The following MSRA variants were observed in gnomAD, a reference collection of about 807,000 sequenced individuals.
MSRA encodes the protein methionine sulfoxide reductase A, also known as mitochondrial peptide methionine sulfoxide reductase.
A neutral mutation model predicts 31.3 loss-of-function variants in MSRA; 54 were observed. The observed-to-expected ratio is 1.73, with a 90% confidence interval of 1.39 to 2.17. MSRA has a LOEUF of 2.17. MSRA is among the 30% of genes most tolerant of loss of function. The pLI, the probability that MSRA is intolerant of heterozygous loss-of-function variation, is 0.00. For synonymous variants in MSRA, 169 were observed against 116.5 expected (o/e 1.45, Z -2.90); for missense variants, 507 against 300.9 (o/e 1.69, Z -5.07).
At chr8:10,258,712 A>G (rs1175141975) in intron 3 of MSRA, among the ~76,000 whole-genome samples, 1 of 152,202 alleles carries the variant, frequency 6.6e-6, no homozygotes, top group African/African-American at 2.4e-5. Flanking sequence ...CCCACGTGGC[A>G]ACTCTTCCCT....
chr8:10,181,833 C>G (rs1298276607), intron 1 of MSRA, among the ~76,000 whole-genome samples: 2 of 152,190 alleles, frequency 1.3e-5, no homozygotes, highest in African/African-American at 4.8e-5. Context: ...CTGGAGACCT[C>G]ACTTCTACCC....
intron 5 of MSRA, among the ~76,000 whole-genome samples, chr8:10,427,052 G>A (rs144881609): frequency 2.5e-4 from 38 of 152,236 alleles, no homozygotes; most frequent in African/African-American, 8.7e-4. Flanking sequence ...CTGACGCAGT[G>A]AATCATGCTG....
At chr8:10,403,788 G>A (rs1231861841) in intron 5 of MSRA, among the ~76,000 whole-genome samples, 1 of 152,224 alleles carries the variant, frequency 6.6e-6, no homozygotes, top group Non-Finnish European at 1.5e-5. Flanking sequence ...AGACGGGCGG[G>A]ACGTGAGTCC....
chr8:10,217,596 C>A (rs76871994), intron 2 of MSRA, among the ~76,000 whole-genome samples: 2,247 of 152,286 alleles, frequency 0.015, 54 homozygotes, highest in African/African-American at 0.05. Context: ...GCTCGCTCAG[C>A]TTCCACAGGT....
intron 3 of MSRA, among the ~76,000 whole-genome samples, chr8:10,255,780 G>A (rs1418752408): frequency 6.7e-6 from 1 of 148,170 alleles, no homozygotes; most frequent in Non-Finnish European, 1.5e-5. Context: ...CAGTGTGGGG[G>A]CATTGGGAGG....
intron 5 of MSRA, among the ~76,000 whole-genome samples, chr8:10,398,182 G>A (rs1396063803): frequency 2.6e-5 from 4 of 152,302 alleles, no homozygotes; most frequent in African/African-American, 7.2e-5. Flanking sequence ...ACTCTAAGAA[G>A]TTAAGTTCTT....
intron 3 of MSRA, among the ~76,000 whole-genome samples, chr8:10,269,348 G>A (rs138538258): frequency 6.6e-6 from 1 of 152,282 alleles, no homozygotes; most frequent in East Asian, 1.9e-4. Context: ...TTTTCTTCAA[G>A]AAACAGAACT....
At chr8:10,266,340 G>A (rs1006205122) in intron 3 of MSRA, among the ~76,000 whole-genome samples, 3 of 152,154 alleles carry the variant, frequency 2.0e-5, no homozygotes, top group East Asian at 1.9e-4. Flanking sequence ...TTTTCCTGAC[G>A]ACCGAATTAT....
At chr8:10,062,045 C>T (rs566332783) in intron 1 of MSRA, among the ~76,000 whole-genome samples, 1 of 152,236 alleles carries the variant, frequency 6.6e-6, no homozygotes, top group Non-Finnish European at 1.5e-5. Flanking sequence ...GGAGTGGGAG[C>T]CTGGCTGGGG....
At chr8:10,154,336 G>C (rs989458127) in intron 1 of MSRA, among the ~76,000 whole-genome samples, 1 of 152,006 alleles carries the variant, frequency 6.6e-6, no homozygotes, top group East Asian at 1.9e-4. Context: ...GCTTCAATAC[G>C]ATGGAAGGCT....
chr8:10,393,183 C>G (rs972560037), intron 5 of MSRA, among the ~76,000 whole-genome samples: 1 of 151,934 alleles, frequency 6.6e-6, no homozygotes, highest in African/African-American at 2.4e-5. Context: ...GAACAGAAAG[C>G]AGCCGCCCGC....
intron 1 of MSRA, 72 bp from the exon 2 acceptor site, chr8:10,207,761 C>T (rs1047611352): frequency 9.5e-6 from 13 of 1,364,916 alleles, no homozygotes; most frequent in South Asian, 2.6e-5. Context: ...CTCATTGACA[C>T]ATTTAATGAC....
At chr8:10,231,075 C>G (rs375539453) in intron 2 of MSRA, among the ~76,000 whole-genome samples, 1 of 152,114 alleles carries the variant, frequency 6.6e-6, no homozygotes, top group African/African-American at 2.4e-5. Context: ...CATCAGCCAC[C>G]GCACCCAGCC....
chr8:10,398,611 CCA>C (rs1807250404), intron 5 of MSRA, among the ~76,000 whole-genome samples: 1 of 152,154 alleles, frequency 6.6e-6, no homozygotes, highest in African/African-American at 2.4e-5. Context: ...CTGCCTGCTG[CCA>C]GCAATTCTAG....
At chr8:10,225,332 G>A (rs114056888) in intron 2 of MSRA, among the ~76,000 whole-genome samples, 1 of 152,032 alleles carries the variant, frequency 6.6e-6, no homozygotes, top group Non-Finnish European at 1.5e-5. Context: ...ATGGGATAAG[G>A]TTTATCGCCT....
intron 1 of MSRA, among the ~76,000 whole-genome samples, chr8:10,102,100 G>A (rs1277347227): frequency 6.6e-6 from 1 of 152,066 alleles, no homozygotes; most frequent in Non-Finnish European, 1.5e-5. Context: ...GTGTTATGTT[G>A]TGCCTTTTTG....
At chr8:10,414,820 A>T (rs200860152) in intron 5 of MSRA, among the ~76,000 whole-genome samples, 1 of 152,348 alleles carries the variant, frequency 6.6e-6, no homozygotes, top group East Asian at 1.9e-4. Context: ...CTAAGCATAT[A>T]ACAAAAATCA....
At chr8:10,168,310 A>T (rs1189050171) in intron 1 of MSRA, among the ~76,000 whole-genome samples, 1 of 152,178 alleles carries the variant, frequency 6.6e-6, no homozygotes, top group African/African-American at 2.4e-5. Flanking sequence ...CCAGTCTTCT[A>T]AACAGTATCT....
intron 2 of MSRA, among the ~76,000 whole-genome samples, chr8:10,220,478 C>G (rs1179983749): frequency 6.6e-6 from 1 of 152,192 alleles, no homozygotes; most frequent in Non-Finnish European, 1.5e-5. Flanking sequence ...TCAGATGTGG[C>G]CTTCCAGAAC....
Sources: gnomAD v4.1 joint callset for allele counts (sites outside exome capture counted in the v4.1 genomes callset) on GRCh38, gnomAD v4.1.1 for gene constraint, MANE v1.5 for transcripts, NCBI Gene and HGNC (gene_info 2026-07-23, HGNC 2026-07-21) for gene names.